The following RWDD2B variants were observed in gnomAD, a reference collection of about 807,000 sequenced individuals.
The protein encoded by RWDD2B is RWD domain containing 2B, also known as RWD domain-containing protein 2B.
Under a neutral mutation model 33.6 loss-of-function variants are expected in RWDD2B, and 36 were observed. The observed-to-expected ratio is 1.07, with a 90% CI of 0.82 to 1.42. RWDD2B has a LOEUF of 1.42. Among genes scored for constraint, RWDD2B ranks in the 40% most tolerant of loss-of-function variants. The pLI is 0.00. For synonymous variants in RWDD2B, 126 were observed against 133.1 expected (o/e 0.95, Z 0.37); for missense variants, 364 against 377.5 (o/e 0.96, Z 0.30).
intron 1 of RWDD2B, among the ~76,000 whole-genome samples, chr21:29,016,077 T>C (rs2084888855): frequency 6.6e-6 from 1 of 152,194 alleles, no homozygotes; most frequent in African/African-American, 2.4e-5. Context: ...AGTTTAAATA[T>C]AAGCATTTAA....
chr21:29,011,240 C>T (rs1462304445), intron 1 of RWDD2B, among the ~76,000 whole-genome samples: 3 of 151,508 alleles, frequency 2.0e-5, no homozygotes, highest in East Asian at 2.0e-4. Context: ...TCTTCCCAGC[C>T]GCCATCCCAT....
At position 29,012,088 on chromosome 21, in the gene RWDD2B, C is replaced by T. The variant is rs1288922056; in HGVS notation, c.68-3467G>A. ...CTGGGAAGTGAGGAGCCCCTCTGCCCGGCCAGCCGCCCCGTCCGGGAGGGA... is the reference window on the plus strand; with the variant it reads ...CTGGGAAGTGAGGAGCCCCTCTGCCTGGCCAGCCGCCCCGTCCGGGAGGGA... On this transcript the variant is annotated intron_variant, in intron 1 of 4. Coordinates refer to ENST00000493196, the MANE Select transcript of RWDD2B (RefSeq NM_016940.3). Among the ~76,000 whole-genome samples, 135 of 140,686 alleles carry T rather than the reference C, an allele frequency of 9.6e-4. 1 individual carries two copies. In the South Asian group the frequency reaches 0.016, roughly 16 times the overall value. The allele number at this position is 140,686 out of a possible 152,430, so 92.3% of individuals were successfully genotyped here.
At chr21:29,010,346 C>T (rs1015859381) in intron 1 of RWDD2B, among the ~76,000 whole-genome samples, 3 of 151,602 alleles carry the variant, frequency 2.0e-5, no homozygotes, top group African/African-American at 7.3e-5. Flanking sequence ...GTGGCTCACA[C>T]CTGTAATCCC....
At chr21:29,012,649 G>T (rs1381024637) in intron 1 of RWDD2B, among the ~76,000 whole-genome samples, 1 of 151,790 alleles carries the variant, frequency 6.6e-6, no homozygotes, top group Non-Finnish European at 1.5e-5. Flanking sequence ...AGGCCGCAGG[G>T]TCCTCTGCCT....
intron 1 of RWDD2B, among the ~76,000 whole-genome samples, chr21:29,012,970 C>T (rs1422360119): frequency 1.3e-5 from 2 of 151,754 alleles, no homozygotes; most frequent in Non-Finnish European, 2.9e-5. Context: ...ATGTTAAGTG[C>T]CTATATGTAT....
chr21:29,017,324 C>T (rs2084895289), intron 1 of RWDD2B, among the ~76,000 whole-genome samples: 1 of 151,850 alleles, frequency 6.6e-6, no homozygotes, highest in Non-Finnish European at 1.5e-5. Context: ...ATTTATACGC[C>T]CAGCCCAGGT....
chr21:29,008,222 A>T lies in RWDD2B; in HGVS notation c.362+18T>A. ...TTAATTTTGACCTCCAAAGTTGGCCAGAGCTTCTGTAACGTACCTGACAGT... is the reference window on the plus strand; with the variant it reads ...TTAATTTTGACCTCCAAAGTTGGCCTGAGCTTCTGTAACGTACCTGACAGT... On this transcript the variant is annotated intron_variant, in intron 3 of 4. Transcript: ENST00000493196. The T allele has an allele frequency of 6.2e-7, 1 of 1,613,852 alleles. No individual in the cohort carries two copies. The highest frequency in any genetic ancestry group is 8.5e-7 in the Non-Finnish European group (1 of 1,179,862).
In RWDD2B at chr21:29,005,575, A is replaced by G. The variant is rs1050658575; in HGVS notation, c.*842T>C. ...AAAATGGTGACACCCTGTCTCTACT[A>G]AAAAACACAAAAATTAGCCAGGCAT... On this transcript the variant is annotated 3_prime_UTR_variant, in exon 5 of 5. Transcript: ENST00000493196. 1 of 151,942 alleles carries G rather than the reference A, an allele frequency of 6.6e-6. No homozygotes were observed. Among genetic ancestry groups the G allele is most frequent in the Admixed American group, 6.6e-5 (1 of 15,242 alleles). The allele number at this position is 151,942 out of a possible 1,614,324, so 9.4% of individuals were successfully genotyped here.
At chr21:29,007,732 T>G in intron 4 of RWDD2B, 29 bp downstream of exon 4, 1 of 1,589,722 alleles carries the variant, frequency 6.3e-7, no homozygotes, top group Non-Finnish European at 8.5e-7. Flanking sequence ...ATTATTGACA[T>G]GACTTCATAT....
At chr21:29,012,053 G>GC (rs1989137987) in intron 1 of RWDD2B, among the ~76,000 whole-genome samples, 1 of 137,896 alleles carries the variant, frequency 7.3e-6, no homozygotes, top group African/African-American at 2.7e-5. Flanking sequence ...CCTCTGCCCG[G>GC]CCGCCCCTAC....
At chr21:29,016,368 G>T (rs767641616) in intron 1 of RWDD2B, among the ~76,000 whole-genome samples, 33 of 151,964 alleles carry the variant, frequency 2.2e-4, no homozygotes, top group Non-Finnish European at 5.9e-5. Flanking sequence ...AGGTTCAAGC[G>T]ATTCTCCTGC....
chr21:29,007,891 T>C lies in RWDD2B; in HGVS notation c.595A>G (p.Asn199Asp). The change falls in exon 4 of 5, where the codon AAC becomes GAC. Residue 199 changes from asparagine to aspartate, a missense_variant. Asn to Asp is a conservative substitution (Grantham distance 23). Transcript: ENST00000493196. ...AGAATATTCTTTCTTTTGCATTTGT[T>C]ATAGATATGATGGCTGTAGATCCAG... ...RLWIYSHHIY[N>D]KCKRKNILEW... 1 of 1,614,244 alleles carries C rather than the reference T, an allele frequency of 6.2e-7. No individual in the cohort carries two copies. The highest frequency in any genetic ancestry group is 8.5e-7 in the Non-Finnish European group (1 of 1,180,046).
chr21:29,007,447 G>C (rs1271170155), intron 4 of RWDD2B, among the ~76,000 whole-genome samples: 1 of 152,146 alleles, frequency 6.6e-6, no homozygotes. Context: ...TGTATCTTTA[G>C]GCTATTTTGT....
intron 1 of RWDD2B, among the ~76,000 whole-genome samples, chr21:29,016,112 C>T (rs1167108619): frequency 6.6e-6 from 1 of 151,954 alleles, no homozygotes; most frequent in Non-Finnish European, 1.5e-5. Flanking sequence ...TGGTGGGTAG[C>T]CTTGATAATA....
At chr21:29,016,709 G>GT (rs2084892174) in intron 1 of RWDD2B, among the ~76,000 whole-genome samples, 2 of 152,096 alleles carry the variant, frequency 1.3e-5, no homozygotes, top group African/African-American at 4.8e-5. Flanking sequence ...GGTTTACTTT[G>GT]TTTTTTTGTT....
At chr21:29,012,207 G>A (rs2084867259) in intron 1 of RWDD2B, among the ~76,000 whole-genome samples, 1 of 149,740 alleles carries the variant, frequency 6.7e-6, no homozygotes, top group Non-Finnish European at 1.5e-5. Flanking sequence ...GGGCGCCTCT[G>A]CCCGGCCGCC....
At position 29,005,081 on chromosome 21, in the gene RWDD2B, G is replaced by A. The variant is rs1425346263; in HGVS notation, c.*1336C>T. On this transcript the variant is annotated 3_prime_UTR_variant, in exon 5 of 5. Transcript: ENST00000493196. ...CTTTTGGAACTAACTGGTTTATGGA[G>A]GTCCTCAAAAACTGGGTGGTGTGTT... 1 of 152,186 alleles carries A rather than the reference G, an allele frequency of 6.6e-6. No homozygotes were observed. The highest frequency in any genetic ancestry group is 1.5e-5 in the Non-Finnish European group (1 of 68,038). The allele number at this position is 152,186 out of a possible 1,614,324, so 9.4% of individuals were successfully genotyped here.
chr21:29,007,267 C>T (rs1157639530), intron 4 of RWDD2B, among the ~76,000 whole-genome samples: 1 of 152,244 alleles, frequency 6.6e-6, no homozygotes, highest in Non-Finnish European at 1.5e-5. Context: ...TACAGAATGT[C>T]TCCTACATGC....
chr21:29,017,919 G>A (rs1329976556), intron 1 of RWDD2B, among the ~76,000 whole-genome samples: 2 of 152,216 alleles, frequency 1.3e-5, no homozygotes, highest in Non-Finnish European at 2.9e-5. Flanking sequence ...GAATAGAAGA[G>A]TTTAGTAAGG....
Sources: gnomAD v4.1 joint callset for allele counts (sites outside exome capture counted in the v4.1 genomes callset) on GRCh38, gnomAD v4.1.1 for gene constraint, MANE v1.5 for transcripts, NCBI Gene and HGNC (gene_info 2026-07-23, HGNC 2026-07-21) for gene names.